The following ZNF717 variants were observed in gnomAD, a reference collection of about 807,000 sequenced individuals.
ZNF717 encodes krueppel-like factor X17.
Under a neutral mutation model 13.8 loss-of-function variants are expected in ZNF717, and 9 were observed. The observed-to-expected ratio is 0.65, with a 90% confidence interval of 0.39 to 1.14. The LOEUF (loss-of-function observed/expected upper bound fraction) is 1.14. Among genes scored for constraint, ZNF717 ranks in the 50% most tolerant of loss-of-function variants. The pLI is 0.01. For synonymous variants in ZNF717, 327 were observed against 364.1 expected (o/e 0.90, Z 1.16); for missense variants, 1,040 against 1,080.7 (o/e 0.96, Z 0.53).
chr3:75,782,974 C>T (rs1417144333), intron 2 of ZNF717, among the ~76,000 whole-genome samples: 5 of 152,206 alleles, frequency 3.3e-5, no homozygotes, highest in South Asian at 2.1e-4. Flanking sequence ...ATGTCACCAC[C>T]GAAGGTGGTG....
At chr3:75,728,816 C>T (rs78420486), downstream of ZNF717, among the ~76,000 whole-genome samples, 1 of 152,128 alleles carries the variant, frequency 6.6e-6, no homozygotes, top group African/African-American at 2.4e-5. Flanking sequence ...AGTATGAGAA[C>T]AGACTGATAC....
At chr3:75,704,743 G>A (rs933327553), downstream of ZNF717, among the ~76,000 whole-genome samples, 284 of 152,022 alleles carry the variant, frequency 1.9e-3, no homozygotes, top group Non-Finnish European at 2.8e-3. Context: ...TTTTGTAGTA[G>A]CCTGGAGGCT....
downstream of ZNF717, among the ~76,000 whole-genome samples, chr3:75,725,394 C>A (rs796116193): frequency 4.3e-4 from 65 of 152,362 alleles, no homozygotes; most frequent in African/African-American, 1.4e-3. Context: ...CTTTTTCCCA[C>A]ATCAACCCTG....
chr3:75,761,906 T>C (rs149864762), intron 2 of ZNF717, among the ~76,000 whole-genome samples: 2,032 of 152,192 alleles, frequency 0.013, 17 homozygotes, highest in African/African-American at 0.045. Context: ...ATACAAAAAT[T>C]AGCTGGGCAT....
chr3:75,737,339 C>A lies in ZNF717; in HGVS notation c.2284G>T (p.Glu762Ter). 6.4e-7 allele frequency: 1 copy of A among 1,552,572 alleles called. No homozygotes were observed. The highest frequency in any genetic ancestry group is 2.4e-5 in the East Asian group (1 of 40,936). The stretch of plus-strand genomic sequence containing the variant: ...TTGTGACAAAAGGTTTTCCCACACT[C>A]ATTACATTCATAAGGTTTTTCTCCG... ...HTGEKPYECN[E>*]CGKTFCHKSN... is the part of the protein sequence containing the mutation. The change falls in exon 5 of 5, where the codon GAG becomes TAG. Residue 762 changes from glutamate to a stop codon, truncating the protein, a stop_gained. Coordinates refer to ENST00000652011, the MANE Select transcript of ZNF717 (RefSeq NM_001290208.3). LOFTEE classifies it low-confidence loss of function (END_TRUNC).
In ZNF717 at chr3:75,758,049, C is replaced by T. The variant is rs553578918; in HGVS notation, c.58-16313G>A. Among the ~76,000 whole-genome samples the T allele has an allele frequency of 8.4e-5, 12 of 142,096 alleles. No individual in the cohort carries two copies. In the East Asian group the frequency reaches 1.9e-3, roughly 23 times the overall value. The allele number at this position is 142,096 out of a possible 152,430, so 93.2% of individuals were successfully genotyped here. ...AGGAGAATTGCTTGAACTCGGGAGG[C>T]GCAGGTTTCAGTGAGCTGAGATCGT... is the stretch of plus-strand genomic sequence containing the variant. On this transcript the variant is annotated intron_variant, in intron 2 of 4. Coordinates refer to ENST00000652011, the MANE Select transcript of ZNF717 (RefSeq NM_001290208.3).
At chr3:75,704,170 G>A (rs1489878603) in intron 6 of ZNF717, among the ~76,000 whole-genome samples, 1,315 of 140,448 alleles carry the variant, frequency 9.4e-3, no homozygotes, top group African/African-American at 0.04. Flanking sequence ...ACTAACAAAA[G>A]ACAATGCACT....
intron 5 of ZNF717, among the ~76,000 whole-genome samples, chr3:75,713,162 T>A (rs143179909): frequency 6.6e-6 from 1 of 152,084 alleles, no homozygotes; most frequent in Non-Finnish European, 1.5e-5. Flanking sequence ...TATTATTTTA[T>A]TTTATTTGAG....
intron 2 of ZNF717, among the ~76,000 whole-genome samples, chr3:75,771,739 C>A (rs572298955): frequency 1.8e-4 from 27 of 152,260 alleles, no homozygotes; most frequent in Non-Finnish European, 3.4e-4. Context: ...TCTAAATTGG[C>A]AGGCAGGAGC....
At chr3:75,723,997 G>A (rs1938223741) in intron 4 of ZNF717, among the ~76,000 whole-genome samples, 1 of 152,040 alleles carries the variant, frequency 6.6e-6, no homozygotes, top group African/African-American at 2.4e-5. Flanking sequence ...CGGCCTTCTA[G>A]ATAGCAGTAG....
chr3:75,766,490 T>C (rs1943477054), intron 2 of ZNF717, among the ~76,000 whole-genome samples: 1 of 152,164 alleles, frequency 6.6e-6, no homozygotes, highest in Non-Finnish European at 1.5e-5. Context: ...AAATTATAAA[T>C]TGTGCCTCAA....
chr3:75,748,425 A>T (rs1479659968), intron 2 of ZNF717, among the ~76,000 whole-genome samples: 2 of 152,338 alleles, frequency 1.3e-5, no homozygotes, highest in South Asian at 2.1e-4. Context: ...ATGAACATCA[A>T]TGCGAAAATC....
intron 2 of ZNF717, among the ~76,000 whole-genome samples, chr3:75,760,049 G>A (rs1942847536): frequency 6.6e-6 from 1 of 151,730 alleles, no homozygotes; most frequent in Non-Finnish European, 1.5e-5. Flanking sequence ...TTTTTTTTGA[G>A]ACGGAGTCTC....
At chr3:75,745,705 T>C (rs1435061883) in intron 2 of ZNF717, among the ~76,000 whole-genome samples, 4 of 152,076 alleles carry the variant, frequency 2.6e-5, no homozygotes, top group Non-Finnish European at 5.9e-5. Context: ...GTAGGAGTCA[T>C]GTCATGATAT....
chr3:75,752,141 A>C (rs1237144155), intron 2 of ZNF717, among the ~76,000 whole-genome samples: 2 of 148,494 alleles, frequency 1.3e-5, no homozygotes, highest in African/African-American at 5.0e-5. Flanking sequence ...CCCACATAGC[A>C]TTCCAGAACA....
At chr3:75,767,771 A>C (rs2107617550) in intron 2 of ZNF717, among the ~76,000 whole-genome samples, 1 of 152,330 alleles carries the variant, frequency 6.6e-6, no homozygotes, top group Admixed American at 6.5e-5. Flanking sequence ...GTCACTGAAT[A>C]AATATGACAG....
At chr3:75,699,987 G>T (rs1937653215) in intron 6 of ZNF717, among the ~76,000 whole-genome samples, 1 of 152,268 alleles carries the variant, frequency 6.6e-6, no homozygotes, top group African/African-American at 2.4e-5. Context: ...CAAAAGAAAT[G>T]AAAGAGGACC....
At chr3:75,773,838 T>A (rs1944083168) in intron 2 of ZNF717, among the ~76,000 whole-genome samples, 1 of 152,034 alleles carries the variant, frequency 6.6e-6, no homozygotes, top group African/African-American at 2.4e-5. Flanking sequence ...TCACCTGAGG[T>A]CAGGAGTTCA....
downstream of ZNF717, among the ~76,000 whole-genome samples, chr3:75,734,817 ATTTTTTTT>A (rs545474632): frequency 6.4e-4 from 37 of 57,552 alleles, no homozygotes; most frequent in South Asian, 4.5e-3. Flanking sequence ...ATATATATAT[ATTTTTTTT>A]TTTTTTTTTT....
Sources: gnomAD v4.1 joint callset for allele counts (sites outside exome capture counted in the v4.1 genomes callset) on GRCh38, gnomAD v4.1.1 for gene constraint, MANE v1.5 for transcripts, NCBI Gene and HGNC (gene_info 2026-07-23, HGNC 2026-07-21) for gene names.